CTNNA3: variants seen among roughly 807,000 people sequenced by gnomAD.
CTNNA3 encodes catenin alpha-3.
CTNNA3 carries 76 observed loss-of-function variants against 95.7 expected under a neutral mutation model. The ratio of observed to expected loss-of-function variants is 0.79; its 90% confidence interval spans 0.66 to 0.96. The LOEUF (loss-of-function observed/expected upper bound fraction) is 0.96. Ranked by LOEUF, CTNNA3 falls within the 40% of genes least tolerant of loss-of-function variation. CTNNA3 has a pLI of 0.00. For synonymous variants in CTNNA3, 431 were observed against 374.4 expected, an observed-to-expected ratio of 1.15 and a Z score of -1.74; for missense variants, 1,191 against 1,089.8, an observed-to-expected ratio of 1.09 and a Z score of -1.31.
intron 9 of CTNNA3, among the ~76,000 whole-genome samples, chr10:66,631,766 A>C (rs527790590): frequency 6.6e-6 from 1 of 152,172 alleles, no homozygotes; most frequent in Non-Finnish European, 1.5e-5. Flanking sequence ...GAATAAAAAA[A>C]AGCAATAGAT....
At chr10:67,742,158 T>C (rs998920027) in intron 1 of CTNNA3, among the ~76,000 whole-genome samples, 1 of 150,998 alleles carries the variant, frequency 6.6e-6, no homozygotes, top group Admixed American at 6.6e-5. Flanking sequence ...CAAGCGGACC[T>C]AATAGACACA....
intron 5 of CTNNA3, among the ~76,000 whole-genome samples, chr10:67,329,151 C>T (rs922798249): frequency 3.3e-5 from 5 of 152,090 alleles, no homozygotes; most frequent in African/African-American, 9.7e-5. Flanking sequence ...GTGGGTGGAC[C>T]GCTTGAGCTC....
At chr10:66,524,145 A>G (rs1430693432) in intron 10 of CTNNA3, among the ~76,000 whole-genome samples, 1 of 14,670 alleles carries the variant, frequency 6.8e-5, no homozygotes, top group African/African-American at 1.6e-4. Flanking sequence ...CATTTTTCAT[A>G]CTTAACATAT....
intron 7 of CTNNA3, among the ~76,000 whole-genome samples, chr10:66,955,479 T>C (rs1008889426): frequency 6.6e-6 from 1 of 152,144 alleles, no homozygotes; most frequent in Admixed American, 6.6e-5. Context: ...CATGACAGTA[T>C]GCATCTAAGA....
At chr10:66,538,733 C>T (rs1343104873) in intron 10 of CTNNA3, among the ~76,000 whole-genome samples, 2 of 152,130 alleles carry the variant, frequency 1.3e-5, no homozygotes, top group Admixed American at 6.6e-5. Flanking sequence ...TTGATAGGAA[C>T]TGCTGTGGAT....
chr10:66,448,600 T>A (rs923262582), intron 11 of CTNNA3, among the ~76,000 whole-genome samples: 1 of 151,022 alleles, frequency 6.6e-6, no homozygotes, highest in African/African-American at 2.4e-5. Context: ...CACTGCATGT[T>A]CTCACTCATA....
chr10:67,073,879 T>C (rs1015032688), intron 7 of CTNNA3, among the ~76,000 whole-genome samples: 12 of 152,206 alleles, frequency 7.9e-5, no homozygotes, highest in Non-Finnish European at 1.6e-4. Context: ...CACATTTTAC[T>C]GATGAGTTAA....
intron 7 of CTNNA3, among the ~76,000 whole-genome samples, chr10:66,915,851 C>G (rs1276320905): frequency 1.3e-5 from 2 of 151,332 alleles, no homozygotes; most frequent in Non-Finnish European, 2.9e-5. Flanking sequence ...CGAGTTCAAG[C>G]GATTCTCCTG....
upstream of CTNNA3, among the ~76,000 whole-genome samples, chr10:67,700,893 A>T (rs1225543438): frequency 2.0e-5 from 3 of 152,334 alleles, no homozygotes; most frequent in South Asian, 4.1e-4. Context: ...ATTTAGACGA[A>T]TATATAACTA....
chr10:66,990,900 T>G (rs1851003664), intron 7 of CTNNA3, among the ~76,000 whole-genome samples: 1 of 152,216 alleles, frequency 6.6e-6, no homozygotes, highest in Non-Finnish European at 1.5e-5. Flanking sequence ...AGAACTCTAG[T>G]TAATTTGTTT....
At chr10:67,554,094 CT>C (rs1286515982) in intron 3 of CTNNA3, among the ~76,000 whole-genome samples, 6 of 152,122 alleles carry the variant, frequency 3.9e-5, no homozygotes, top group African/African-American at 1.2e-4. Context: ...TCAACCCATC[CT>C]TTTTTATGGC....
intron 2 of CTNNA3, among the ~76,000 whole-genome samples, chr10:67,629,141 G>A (rs1839054885): frequency 6.6e-6 from 1 of 151,732 alleles, no homozygotes; most frequent in Non-Finnish European, 1.5e-5. Flanking sequence ...TTATTTTTAT[G>A]TTTTGTTCTC....
intron 6 of CTNNA3, among the ~76,000 whole-genome samples, chr10:67,192,934 G>C (rs1225880808): frequency 6.6e-6 from 1 of 151,900 alleles, no homozygotes; most frequent in African/African-American, 2.4e-5. Flanking sequence ...TCAGCTATAA[G>C]AAATGAAGAA....
chr10:66,572,070 T>C (rs1173769622), intron 10 of CTNNA3, among the ~76,000 whole-genome samples: 1 of 152,004 alleles, frequency 6.6e-6, no homozygotes, highest in Non-Finnish European at 1.5e-5. Context: ...CAGTCTCCCA[T>C]GAGCAGAGTA....
At chr10:66,878,074 G>C (rs1245945208) in intron 7 of CTNNA3, among the ~76,000 whole-genome samples, 1 of 152,096 alleles carries the variant, frequency 6.6e-6, no homozygotes, top group Non-Finnish European at 1.5e-5. Context: ...AGTCAGGAAA[G>C]GAAAGCAATA....
intron 17 of CTNNA3, among the ~76,000 whole-genome samples, chr10:65,926,082 C>G (rs2077164968): frequency 6.7e-6 from 1 of 149,976 alleles, no homozygotes; most frequent in Non-Finnish European, 1.5e-5. Flanking sequence ...AGATTACATA[C>G]ATGTTAAATA....
At chr10:67,307,499 T>G (rs1177410964) in intron 5 of CTNNA3, among the ~76,000 whole-genome samples, 1 of 151,206 alleles carries the variant, frequency 6.6e-6, no homozygotes, top group Non-Finnish European at 1.5e-5. Flanking sequence ...TGGTTGGTTG[T>G]TTTTACCTCA....
At chr10:66,579,527 G>A (rs926558275) in intron 10 of CTNNA3, among the ~76,000 whole-genome samples, 1 of 151,716 alleles carries the variant, frequency 6.6e-6, no homozygotes, top group Non-Finnish European at 1.5e-5. Context: ...TACAGACTTA[G>A]AGGTATTGTT....
intron 11 of CTNNA3, among the ~76,000 whole-genome samples, chr10:66,440,370 G>T (rs972627531): frequency 1.3e-5 from 2 of 151,558 alleles, no homozygotes; most frequent in African/African-American, 4.9e-5. Flanking sequence ...TTATTGATTT[G>T]TAATATTTTG....
Sources: allele counts gnomAD v4.1 joint callset (sites outside exome capture counted in the v4.1 genomes callset), GRCh38; gene constraint gnomAD v4.1.1; transcripts MANE v1.5; gene names NCBI Gene and HGNC (gene_info 2026-07-23, HGNC 2026-07-21).